Variants in DCP1A observed in about 807,000 individuals in gnomAD.
DCP1A encodes decapping mRNA 1A, also known as mRNA-decapping enzyme 1A.
Under a neutral mutation model 58.0 loss-of-function variants are expected in DCP1A, and 20 were observed. That is an observed-to-expected ratio of 0.34 (90% CI 0.24 to 0.50). DCP1A has a LOEUF of 0.50. Ranked by LOEUF, DCP1A falls within the 20% of genes least tolerant of loss-of-function variation. The pLI, the probability that DCP1A is intolerant of heterozygous loss-of-function variation, is 0.98. For missense variants in DCP1A, 613 were observed against 712.2 expected (o/e 0.86, Z 1.59); for synonymous variants, 285 against 275.1 (o/e 1.04, Z -0.36).
intron 3 of DCP1A, among the ~76,000 whole-genome samples, chr3:53,334,394 T>C (rs1474200979): frequency 1.3e-5 from 2 of 152,242 alleles, no homozygotes; most frequent in East Asian, 1.9e-4. Flanking sequence ...TCTAAATTGA[T>C]TGATTTCTGC....
chr3:53,298,081 G>A (rs1251330496), intron 6 of DCP1A, among the ~76,000 whole-genome samples: 2 of 152,290 alleles, frequency 1.3e-5, no homozygotes, highest in South Asian at 2.1e-4. Flanking sequence ...AGCTGCACAA[G>A]GTGGTGTGCA....
Position 53,347,251 on chromosome 3 carries a change from T to C in DCP1A, c.135+132A>G, listed in dbSNP as rs548302289. The C allele has an allele frequency of 1.3e-4, 156 of 1,171,198 alleles. No individual in the cohort carries two copies. In the South Asian group the frequency reaches 2.3e-3, roughly 17 times the overall value. 72.6% of individuals were successfully genotyped at this position (1,171,198 alleles called of 1,614,324 possible). ...CACCCCTCAGGCTCTGGCTAGGCTC[T>C]TGGCCAGACCCTGGCCTCGTCTCCA... is the stretch of plus-strand genomic sequence containing the variant. On this transcript the variant is annotated intron_variant, in intron 1 of 9. Transcript: ENST00000610213.
chr3:53,315,757 G>T (rs112268647), intron 4 of DCP1A, among the ~76,000 whole-genome samples: 78,328 of 109,926 alleles, frequency 0.71, 28,229 homozygotes, highest in Non-Finnish European at 0.77. Flanking sequence ...TTTTTTTTTT[G>T]TTTTTTTTTT....
intron 5 of DCP1A, among the ~76,000 whole-genome samples, chr3:53,304,510 T>C (rs1267937786): frequency 6.6e-6 from 1 of 152,172 alleles, no homozygotes; most frequent in Admixed American, 6.5e-5. Context: ...GCCACAACTG[T>C]TATTTTTATC....
At chr3:53,313,001 C>G (rs1707696490) in intron 4 of DCP1A, among the ~76,000 whole-genome samples, 1 of 152,010 alleles carries the variant, frequency 6.6e-6, no homozygotes, top group Non-Finnish European at 1.5e-5. Context: ...CAAAATCAGT[C>G]AAACTAATTG....
intron 6 of DCP1A, among the ~76,000 whole-genome samples, chr3:53,300,902 C>T (rs1191272428): frequency 1.3e-5 from 2 of 152,140 alleles, no homozygotes; most frequent in Non-Finnish European, 1.5e-5. Context: ...CCTGCCTCCA[C>T]TTCCCAAAGT....
intron 6 of DCP1A, among the ~76,000 whole-genome samples, chr3:53,303,435 T>C (rs1228460027): frequency 6.6e-6 from 1 of 151,822 alleles, no homozygotes; most frequent in African/African-American, 2.4e-5. Flanking sequence ...CCCAGCTAAT[T>C]TTTGTATTTT....
At chr3:53,335,808 T>A (rs909269554) in intron 3 of DCP1A, among the ~76,000 whole-genome samples, 13 of 152,194 alleles carry the variant, frequency 8.5e-5, no homozygotes, top group African/African-American at 9.6e-5. Flanking sequence ...TCCTTTTTTT[T>A]AATAGCATTT....
chr3:53,333,681 T>C (rs2089057693), intron 3 of DCP1A, among the ~76,000 whole-genome samples: 1 of 152,174 alleles, frequency 6.6e-6, no homozygotes, highest in Admixed American at 6.5e-5. Flanking sequence ...ATTACTAAAG[T>C]GGCTTATTAA....
intron 4 of DCP1A, among the ~76,000 whole-genome samples, chr3:53,314,667 C>CTTTTTTTTTTTTTTT (rs1167830951): frequency 1.2e-4 from 10 of 86,722 alleles, no homozygotes; most frequent in Non-Finnish European, 1.5e-4. Flanking sequence ...TTTTCTTTTT[C>CTTTTTTTTTTTTTTT]TTTTTTTTTT....
chr3:53,339,751 G>C (rs1437652322), intron 3 of DCP1A, among the ~76,000 whole-genome samples: 1 of 151,982 alleles, frequency 6.6e-6, no homozygotes, highest in Non-Finnish European at 1.5e-5. Flanking sequence ...ATTCATCTCA[G>C]GTTTATGCTA....
intron 3 of DCP1A, among the ~76,000 whole-genome samples, chr3:53,338,867 A>AAG (rs1343977049): frequency 6.6e-6 from 1 of 151,718 alleles, no homozygotes; most frequent in Admixed American, 6.6e-5. Context: ...TCTCAAAAAA[A>AAG]AAAAAAAAGA....
chr3:53,308,593 T>C (rs1707545142), intron 5 of DCP1A, among the ~76,000 whole-genome samples: 1 of 151,932 alleles, frequency 6.6e-6, no homozygotes, highest in African/African-American at 2.4e-5. Flanking sequence ...CCTATTTTTT[T>C]CTTTTCTTTT....
chr3:53,303,867 CG>C (rs1206366882), intron 6 of DCP1A, among the ~76,000 whole-genome samples: 1 of 152,074 alleles, frequency 6.6e-6, no homozygotes, highest in Non-Finnish European at 1.5e-5. Flanking sequence ...TGAGTGAGCT[CG>C]GACACTGCTG....
At chr3:53,324,378 T>C (rs1553690366) in intron 3 of DCP1A, among the ~76,000 whole-genome samples, 1 of 152,228 alleles carries the variant, frequency 6.6e-6, no homozygotes, top group Non-Finnish European at 1.5e-5. Flanking sequence ...AGCCTGTCAC[T>C]GTCACTCATG....
At chr3:53,308,059 T>C (rs535831600) in intron 5 of DCP1A, among the ~76,000 whole-genome samples, 8 of 152,128 alleles carry the variant, frequency 5.3e-5, no homozygotes, top group Admixed American at 2.0e-4. Context: ...AAATCTAATG[T>C]ACACAAACAT....
chr3:53,295,143 G>A (rs1372914087), intron 6 of DCP1A, among the ~76,000 whole-genome samples: 2 of 152,210 alleles, frequency 1.3e-5, no homozygotes, highest in Non-Finnish European at 2.9e-5. Flanking sequence ...GCATGTGAAG[G>A]ACAGAAAGTT....
At chr3:53,332,526 G>T (rs2089024244) in intron 3 of DCP1A, among the ~76,000 whole-genome samples, 1 of 152,062 alleles carries the variant, frequency 6.6e-6, no homozygotes, top group Non-Finnish European at 1.5e-5. Flanking sequence ...TTTTATGGTT[G>T]TTGTTATAGT....
At chr3:53,316,814 C>A (rs1553689300) in intron 4 of DCP1A, among the ~76,000 whole-genome samples, 1 of 152,036 alleles carries the variant, frequency 6.6e-6, no homozygotes, top group African/African-American at 2.4e-5. Flanking sequence ...TGTCCCTTTT[C>A]GGGCATTTCT....
Sources: allele counts gnomAD v4.1 joint callset (sites outside exome capture counted in the v4.1 genomes callset), GRCh38; gene constraint gnomAD v4.1.1; transcripts MANE v1.5; gene names NCBI Gene and HGNC (gene_info 2026-07-23, HGNC 2026-07-21).